Variants in FOXN3 observed in about 807,000 individuals in gnomAD.
FOXN3 encodes forkhead box protein N3.
A neutral mutation model predicts 38.4 loss-of-function variants in FOXN3; 7 were observed. The observed-to-expected ratio is 0.18, with a 90% CI of 0.10 to 0.34. The LOEUF is 0.34. Ranked by LOEUF, FOXN3 falls within the 10% of genes least tolerant of loss-of-function variation. FOXN3 has a pLI of 1.00. For missense variants in FOXN3, 456 were observed against 613.4 expected, an observed-to-expected ratio of 0.74 and a Z score of 2.71; for synonymous variants, 230 against 242.2, an observed-to-expected ratio of 0.95 and a Z score of 0.47.
rs566796062 is a variant in FOXN3 at position 89,508,367 on chromosome 14, T to G, written c.-14-95877A>C. 2.6e-5 allele frequency among the ~76,000 whole-genome samples: 4 copies of G among 152,220 alleles called. No individual in the cohort carries two copies. In the East Asian group the frequency reaches 5.8e-4, roughly 22 times the overall value. On this transcript the variant is annotated intron_variant, in intron 1 of 6. Transcript: ENST00000345097. ...ATATAGACTTTGTAATACTCTACTA[T>G]GAGGAAAGAACATCTTCTCTGAGCA...
At chr14:89,312,240 G>T (rs1887571904) in intron 3 of FOXN3, among the ~76,000 whole-genome samples, 2 of 129,592 alleles carry the variant, frequency 1.5e-5, no homozygotes, top group Admixed American at 9.0e-5. Flanking sequence ...AGCCGAGATT[G>T]CACTACTGTA....
At chr14:89,242,559 G>A (rs1296325957) in intron 4 of FOXN3, among the ~76,000 whole-genome samples, 2 of 151,916 alleles carry the variant, frequency 1.3e-5, no homozygotes, top group Admixed American at 6.6e-5. Flanking sequence ...TAATAATAAC[G>A]ATACCACTAA....
intron 3 of FOXN3, among the ~76,000 whole-genome samples, chr14:89,324,115 C>T (rs1002405253): frequency 2.0e-5 from 3 of 152,108 alleles, no homozygotes; most frequent in Non-Finnish European, 4.4e-5. Context: ...AAAGTATCCA[C>T]CAAAATAATT....
intron 1 of FOXN3, among the ~76,000 whole-genome samples, chr14:89,566,561 T>C (rs4904589): frequency 0.029 from 4,485 of 152,366 alleles, 191 homozygotes; most frequent in Admixed American, 0.13. Context: ...AAATGCACTT[T>C]AGGTTAATAA....
chr14:89,171,643 T>G (rs1331859315), intron 5 of FOXN3, among the ~76,000 whole-genome samples: 1 of 152,164 alleles, frequency 6.6e-6, no homozygotes, highest in Non-Finnish European at 1.5e-5. Context: ...AAAGAAAAAT[T>G]TTATAGTTAT....
chr14:89,402,038 A>G (rs574230237), intron 2 of FOXN3, among the ~76,000 whole-genome samples: 2 of 152,296 alleles, frequency 1.3e-5, no homozygotes, highest in East Asian at 3.9e-4. Context: ...CTGTTCATGG[A>G]ACTGTCTGTA....
intron 3 of FOXN3, chr14:89,291,656 C>T: frequency 4.4e-6 from 2 of 458,630 alleles, no homozygotes; most frequent in South Asian, 3.4e-5. Context: ...GCCACTCATG[C>T]TCTCTTCCTG....
At chr14:89,226,362 A>G (rs1331810041) in intron 4 of FOXN3, among the ~76,000 whole-genome samples, 1 of 152,122 alleles carries the variant, frequency 6.6e-6, no homozygotes, top group Non-Finnish European at 1.5e-5. Flanking sequence ...AGTAGCTGGG[A>G]CTACAGGCAT....
chr14:89,390,425 T>C (rs1356543870), intron 2 of FOXN3, among the ~76,000 whole-genome samples: 6 of 146,022 alleles, frequency 4.1e-5, no homozygotes, highest in Non-Finnish European at 7.5e-5. Context: ...GATAAAGCAG[T>C]GAAATCCACT....
chr14:89,412,562 A>T lies in FOXN3; in HGVS notation c.-14-72T>A, dbSNP rs1891571464. The T allele has an allele frequency of 3.0e-6, 4 of 1,325,132 alleles. No individual in the cohort carries two copies. In the Admixed American group the frequency reaches 9.8e-5, roughly 33 times the overall value. The allele number at this position is 1,325,132 out of a possible 1,614,324, so 82.1% of individuals were successfully genotyped here. A position where few individuals can be genotyped will look rare whatever the true frequency, so the allele number is the denominator to read the frequency against. Reference sequence around the variant, plus strand: ...CAGAAAGGCAGACTGTACCCCTCTGATCCTGTTGCCTCCCTCTGCCGCCTC... The same window carrying T: ...CAGAAAGGCAGACTGTACCCCTCTGTTCCTGTTGCCTCCCTCTGCCGCCTC... On this transcript the variant is annotated intron_variant, in intron 1 of 5. Transcript: ENST00000557258. The surrounding 1 kb of genome is among the most constrained non-coding windows in gnomAD (Gnocchi z 4.7).
intron 1 of FOXN3, among the ~76,000 whole-genome samples, chr14:89,509,471 A>C (rs1315307581): frequency 6.6e-6 from 1 of 152,164 alleles, no homozygotes; most frequent in Non-Finnish European, 1.5e-5. Flanking sequence ...AGTAGGTGGG[A>C]TTACAGGTGC....
At chr14:89,439,053 T>C (rs1892326379) in intron 1 of FOXN3, among the ~76,000 whole-genome samples, 1 of 152,078 alleles carries the variant, frequency 6.6e-6, no homozygotes, top group Non-Finnish European at 1.5e-5. Context: ...CCACCACGCC[T>C]GGCCTTACAT....
Position 89,607,941 on chromosome 14 carries a change from C to T in FOXN3, c.-15+11087G>A, listed in dbSNP as rs146723257. 9.7e-3 allele frequency among the ~76,000 whole-genome samples: 1,470 copies of T among 151,796 alleles called. 20 individuals are homozygous for T. Among genetic ancestry groups the T allele is most frequent in the African/African-American group, 0.033 (1,378 of 41,438 alleles). The stretch of plus-strand genomic sequence containing the variant: ...AAGCGATTCTCCTGCCTCGGCCTCC[C>T]GAGTAGCTGGGACTACAGGCATGCG... On this transcript the variant is annotated intron_variant, in intron 1 of 6. Transcript: ENST00000345097.
At chr14:89,337,453 A>C (rs1258682283) in intron 3 of FOXN3, among the ~76,000 whole-genome samples, 1 of 152,068 alleles carries the variant, frequency 6.6e-6, no homozygotes, top group Non-Finnish European at 1.5e-5. Flanking sequence ...CCTGGGGTGA[A>C]AACTTTTCCC....
intron 2 of FOXN3, among the ~76,000 whole-genome samples, chr14:89,365,598 C>A (rs1035460270): frequency 9.2e-5 from 14 of 152,148 alleles, no homozygotes; most frequent in Admixed American, 3.3e-4. Flanking sequence ...CTTGGGAGGG[C>A]CTTTAGCAAA....
intron 2 of FOXN3, among the ~76,000 whole-genome samples, chr14:89,358,744 G>A (rs1181593685): frequency 6.6e-6 from 1 of 152,244 alleles, no homozygotes; most frequent in Non-Finnish European, 1.5e-5. Flanking sequence ...TACCACCCAT[G>A]TGTGGGGTCA....
chr14:89,203,905 T>A (rs7149041), intron 4 of FOXN3, among the ~76,000 whole-genome samples: 1 of 152,104 alleles, frequency 6.6e-6, no homozygotes. Flanking sequence ...AAAGCCAGCA[T>A]TGGTGCTCTG....
intron 1 of FOXN3, among the ~76,000 whole-genome samples, chr14:89,521,360 G>GAT (rs200738065): frequency 0.31 from 39,793 of 129,140 alleles, 5,600 homozygotes; most frequent in Non-Finnish European, 0.36. Context: ...ATGATAGATA[G>GAT]AGAGAGAGAG....
rs1887015898 is a variant in FOXN3 at position 89,157,903 on chromosome 14, T to C, written c.*4511A>G. 1 of 152,742 alleles carries C rather than the reference T, an allele frequency of 6.5e-6. No homozygotes were observed. The highest frequency in any genetic ancestry group is 1.9e-4 in the East Asian group (1 of 5,184). 9.5% of individuals were successfully genotyped at this position (152,742 alleles called of 1,614,324 possible). On this transcript the variant is annotated 3_prime_UTR_variant, in exon 6 of 6. Coordinates refer to ENST00000557258, the MANE Select transcript of FOXN3 (RefSeq NM_005197.4). ...ATCAAGAGGAAACACAGAGTTCCAATGTTTTCTTTTGGTGGCAAAAAAAAT... is the reference window on the plus strand; with the variant it reads ...ATCAAGAGGAAACACAGAGTTCCAACGTTTTCTTTTGGTGGCAAAAAAAAT...
Sources: gnomAD v4.1 joint callset for allele counts (sites outside exome capture counted in the v4.1 genomes callset) on GRCh38, gnomAD v4.1.1 for gene constraint, Gnocchi (gnomAD v3.1) non-coding constraint, MANE v1.5 for transcripts, NCBI Gene and HGNC (gene_info 2026-07-23, HGNC 2026-07-21) for gene names.